The following RANBP17 variants were observed in gnomAD, a reference collection of about 807,000 sequenced individuals.
RANBP17 encodes RAN binding protein 17.
Under a neutral mutation model 141.2 loss-of-function variants are expected in RANBP17, and 158 were observed. The observed-to-expected ratio is 1.12, with a 90% CI of 0.98 to 1.28. The LOEUF (loss-of-function observed/expected upper bound fraction) is 1.28. RANBP17 is among the 50% of genes most tolerant of loss of function. The pLI is 0.00. For missense variants in RANBP17, 1,438 were observed against 1,290.7 expected, an observed-to-expected ratio of 1.11 and a Z score of -1.75; for synonymous variants, 430 against 450.0, an observed-to-expected ratio of 0.96 and a Z score of 0.56.
chr5:170,949,658 T>G (rs1775048299), intron 12 of RANBP17, among the ~76,000 whole-genome samples: 1 of 152,174 alleles, frequency 6.6e-6, no homozygotes, highest in Non-Finnish European at 1.5e-5. Context: ...TTGCAAACAT[T>G]ATGGCAGTTC....
At chr5:170,883,987 T>C (rs566260625) in intron 3 of RANBP17, among the ~76,000 whole-genome samples, 2 of 152,308 alleles carry the variant, frequency 1.3e-5, no homozygotes, top group African/African-American at 4.8e-5. Flanking sequence ...AATTGCTGGA[T>C]TATATGTTAA....
At chr5:171,095,033 CAT>C (rs1371045896) in intron 14 of RANBP17, among the ~76,000 whole-genome samples, 1 of 152,184 alleles carries the variant, frequency 6.6e-6, no homozygotes, top group African/African-American at 2.4e-5. Flanking sequence ...CATGTTATAA[CAT>C]AGCACAGAGG....
intron 14 of RANBP17, among the ~76,000 whole-genome samples, chr5:171,162,039 C>T (rs937269138): frequency 6.6e-6 from 1 of 152,224 alleles, no homozygotes; most frequent in African/African-American, 2.4e-5. Flanking sequence ...ATTCCTTTAA[C>T]TGTCTGAAAT....
chr5:171,199,867 T>G (rs1447618033), intron 19 of RANBP17, 94 bp downstream of exon 19: 1 of 641,428 alleles, frequency 1.6e-6, no homozygotes, highest in African/African-American at 1.9e-5. Flanking sequence ...GTGTACTCTT[T>G]GCCTCCTCAG....
chr5:171,147,538 T>G (rs1422590812), intron 14 of RANBP17, among the ~76,000 whole-genome samples: 1 of 151,262 alleles, frequency 6.6e-6, no homozygotes, highest in African/African-American at 2.4e-5. Context: ...GCCTCAGCCT[T>G]CCGAGTAGCT....
intron 14 of RANBP17, among the ~76,000 whole-genome samples, chr5:171,081,270 G>A (rs1387955568): frequency 6.6e-6 from 1 of 152,002 alleles, no homozygotes; most frequent in Non-Finnish European, 1.5e-5. Flanking sequence ...ACTAATATAA[G>A]TGATGGCCTT....
chr5:170,911,891 G>C (rs1771556343), intron 7 of RANBP17, among the ~76,000 whole-genome samples: 1 of 151,798 alleles, frequency 6.6e-6, no homozygotes, highest in Non-Finnish European at 1.5e-5. Context: ...ATTGGGAAAT[G>C]GGGCTGACGG....
chr5:171,135,262 A>G (rs1323828699), intron 14 of RANBP17, among the ~76,000 whole-genome samples: 4 of 150,218 alleles, frequency 2.7e-5, no homozygotes, highest in Non-Finnish European at 4.4e-5. Context: ...CCTGGGCAAC[A>G]GAGTGAGACT....
intron 14 of RANBP17, among the ~76,000 whole-genome samples, chr5:170,982,564 C>T (rs1464867956): frequency 6.6e-6 from 1 of 152,116 alleles, no homozygotes; most frequent in African/African-American, 2.4e-5. Context: ...TAGCCAATAT[C>T]ACCTAGAATG....
At chr5:171,208,313 T>C (rs1182007433) in intron 20 of RANBP17, among the ~76,000 whole-genome samples, 1 of 152,216 alleles carries the variant, frequency 6.6e-6, no homozygotes, top group African/African-American at 2.4e-5. Context: ...CTTCCAAAAC[T>C]AAATTGCCTG....
At chr5:171,211,628 G>GTTTT (rs1226824979) in intron 20 of RANBP17, among the ~76,000 whole-genome samples, 5 of 126,126 alleles carry the variant, frequency 4.0e-5, no homozygotes, top group East Asian at 2.2e-4. Context: ...TGAGGGCAGG[G>GTTTT]TTTTTTTTTT....
intron 3 of RANBP17, among the ~76,000 whole-genome samples, chr5:170,884,001 T>C (rs1465678070): frequency 6.6e-6 from 1 of 152,070 alleles, no homozygotes; most frequent in Non-Finnish European, 1.5e-5. Flanking sequence ...ATGTTAAGAG[T>C]GTGTTCAGTT....
At chr5:171,272,317 C>T (rs140245372) in intron 25 of RANBP17, among the ~76,000 whole-genome samples, 16 of 152,192 alleles carry the variant, frequency 1.1e-4, no homozygotes, top group African/African-American at 3.9e-4. Context: ...ATATAACAAA[C>T]CTGTACATGT....
intron 18 of RANBP17, among the ~76,000 whole-genome samples, chr5:171,195,414 A>C (rs1223209068): frequency 1.3e-5 from 2 of 152,244 alleles, no homozygotes; most frequent in Non-Finnish European, 2.9e-5. Context: ...CATGATATAA[A>C]CAACAATATC....
intron 18 of RANBP17, among the ~76,000 whole-genome samples, chr5:171,194,568 G>A (rs868534618): frequency 2.6e-5 from 4 of 152,220 alleles, no homozygotes; most frequent in East Asian, 1.9e-4. Flanking sequence ...ATAATATTCC[G>A]TAGTTTGGAT....
chr5:171,004,708 G>T (rs1779461617), intron 14 of RANBP17, among the ~76,000 whole-genome samples: 1 of 152,104 alleles, frequency 6.6e-6, no homozygotes, highest in South Asian at 2.1e-4. Flanking sequence ...GTTGGGTTTG[G>T]GCTTCAGGGG....
At chr5:170,998,233 T>G (rs555081458) in intron 14 of RANBP17, among the ~76,000 whole-genome samples, 7 of 152,326 alleles carry the variant, frequency 4.6e-5, no homozygotes, top group South Asian at 2.1e-4. Flanking sequence ...CATTTCTCAT[T>G]GGAATATTTT....
chr5:170,938,737 CAGTTA>C (rs1774087506), intron 12 of RANBP17, among the ~76,000 whole-genome samples: 1 of 151,560 alleles, frequency 6.6e-6, no homozygotes, highest in South Asian at 2.1e-4. Context: ...GGCTAACTGG[CAGTTA>C]GAACTGAAGA....
chr5:171,062,238 G>C (rs245757), intron 14 of RANBP17, among the ~76,000 whole-genome samples: 9 of 151,766 alleles, frequency 5.9e-5, no homozygotes, highest in Non-Finnish European at 1.2e-4. Flanking sequence ...TTAGTTGATG[G>C]AGTTTCTTCC....
Sources: gnomAD v4.1 joint callset for allele counts (sites outside exome capture counted in the v4.1 genomes callset) on GRCh38, gnomAD v4.1.1 for gene constraint, MANE v1.5 for transcripts, NCBI Gene and HGNC (gene_info 2026-07-23, HGNC 2026-07-21) for gene names.